Variants in BCLAF3 observed in about 807,000 individuals in gnomAD.
The protein encoded by BCLAF3 is BCLAF1 and THRAP3 family member 3.
In BCLAF3, 24 loss-of-function variants were observed where a neutral mutation model predicts 51.2. The ratio of observed to expected loss-of-function variants is 0.47; its 90% CI spans 0.34 to 0.66. The LOEUF (loss-of-function observed/expected upper bound fraction) is 0.66, where lower values mean the gene tolerates loss of function less well. Among genes scored for constraint, BCLAF3 ranks in the 30% least tolerant of loss-of-function variants. BCLAF3 has a pLI of 0.01. For synonymous variants in BCLAF3, 152 were observed against 176.6 expected, an observed-to-expected ratio of 0.86 and a Z score of 1.10; for missense variants, 465 against 525.1, an observed-to-expected ratio of 0.89 and a Z score of 1.12.
At chrX:19,972,897 T>C (rs773743401) in intron 1 of BCLAF3, among the ~76,000 whole-genome samples, 3 of 112,364 alleles carry the variant, frequency 2.7e-5, no homozygotes, top group Non-Finnish European at 5.6e-5. Context: ...CACATTTGGG[T>C]TGTTTCTACC....
chrX:19,944,707 A>AT (rs1165545370), intron 8 of BCLAF3, among the ~76,000 whole-genome samples: 5 of 82,472 alleles, frequency 6.1e-5, no homozygotes, highest in Admixed American at 3.6e-4. Flanking sequence ...TGCCCTTAAC[A>AT]TTTTTTCCTT....
At chrX:19,921,602 C>G (rs1306599892) in intron 11 of BCLAF3, among the ~76,000 whole-genome samples, 3 of 110,414 alleles carry the variant, frequency 2.7e-5, no homozygotes, top group Non-Finnish European at 3.8e-5. Context: ...ACTCGGGAGG[C>G]TGAGATAGGA....
chrX:19,925,034 T>C (rs976599232), intron 11 of BCLAF3, among the ~76,000 whole-genome samples: 3 of 111,289 alleles, frequency 2.7e-5, no homozygotes, highest in Non-Finnish European at 5.7e-5. Context: ...GGTGCCACAA[T>C]GGAATATGAC....
intron 4 of BCLAF3, among the ~76,000 whole-genome samples, chrX:19,956,044 GAATAGT>G (rs940080253): frequency 9.0e-6 from 1 of 111,673 alleles, no homozygotes; most frequent in Non-Finnish European, 1.9e-5. Flanking sequence ...AAGAAGCTTA[GAATAGT>G]ATTTTGAAAT....
chrX:19,962,169 C>A (rs191818243), intron 4 of BCLAF3, among the ~76,000 whole-genome samples: 21 of 111,683 alleles, frequency 1.9e-4, no homozygotes, highest in South Asian at 3.7e-4. Flanking sequence ...ATGGGGGTAT[C>A]ATTACTTTTA....
rs2069925595 is a variant in BCLAF3, at chrX:19,915,830, A to G, written c.*1475T>C. The G allele has an allele frequency of 8.9e-6, 1 of 112,053 alleles. No individual in the cohort carries two copies. The highest frequency in any genetic ancestry group is 1.9e-5 in the Non-Finnish European group (1 of 53,169). The allele number at this position is 112,053 out of a possible 1,213,427, so 9.2% of individuals were successfully genotyped here. A position where few individuals can be genotyped will look rare whatever the true frequency, so the allele number is the denominator to read the frequency against. Reference sequence around the variant, plus strand: ...AAGACAGATTTTATAAGTACCTAACACAATATAAAGTTGCCATACTACCTG... The same window carrying G: ...AAGACAGATTTTATAAGTACCTAACGCAATATAAAGTTGCCATACTACCTG... On this transcript the variant is annotated 3_prime_UTR_variant, in exon 12 of 12. Coordinates refer to ENST00000379682, the MANE Select transcript of BCLAF3 (RefSeq NM_001367774.2).
intron 1 of BCLAF3, among the ~76,000 whole-genome samples, chrX:19,989,085 G>T (rs1209823982): frequency 9.1e-6 from 1 of 109,720 alleles, no homozygotes; most frequent in Non-Finnish European, 1.9e-5. Flanking sequence ...TTGTTGGTAG[G>T]AGTGCAAAAC....
intron 11 of BCLAF3, among the ~76,000 whole-genome samples, chrX:19,921,238 A>G (rs1892650219): frequency 1.8e-5 from 2 of 111,851 alleles, no homozygotes; most frequent in African/African-American, 6.5e-5. Context: ...CTGTGATCAA[A>G]GAGACTAAAT....
Position 19,979,859 on chromosome X carries a change from T to C in BCLAF3, c.-34-9561A>G, listed in dbSNP as rs190076814. Among the ~76,000 whole-genome samples, 86 of 109,300 alleles carry C rather than the reference T, an allele frequency of 7.9e-4. 1 individual carries two copies. The highest frequency in any genetic ancestry group is 6.9e-3 in the Admixed American group (70 of 10,114). The allele number at this position is 109,300 out of a possible 115,157, so 94.9% of individuals were successfully genotyped here. ...TCAAATTAAAATTTAATAAGGAACA[T>C]TGAAGGCTGGCATGAAAACAACCAA... is the stretch of plus-strand genomic sequence containing the variant. On this transcript the variant is annotated intron_variant, in intron 1 of 11. Coordinates refer to ENST00000379682, the MANE Select transcript of BCLAF3 (RefSeq NM_001367774.2).
At chrX:19,920,890 G>C (rs1317992054) in intron 11 of BCLAF3, among the ~76,000 whole-genome samples, 3 of 110,683 alleles carry the variant, frequency 2.7e-5, no homozygotes, top group Admixed American at 1.9e-4. Flanking sequence ...GAAATACAAA[G>C]GCAAATGACA....
chrX:19,982,648 T>C (rs1703547677), intron 1 of BCLAF3, among the ~76,000 whole-genome samples: 1 of 109,826 alleles, frequency 9.1e-6, no homozygotes, highest in Admixed American at 9.9e-5. Flanking sequence ...TTAAAAGGTG[T>C]AAGTACAAAG....
chrX:19,945,242 A>G (rs1287516195), intron 8 of BCLAF3, among the ~76,000 whole-genome samples: 1 of 108,448 alleles, frequency 9.2e-6, no homozygotes, highest in Non-Finnish European at 1.9e-5. Context: ...GCTCAGAGTA[A>G]TTTGATCGTC....
intron 7 of BCLAF3, 109 bp from the exon 8 acceptor site, chrX:19,950,977 A>G (rs2071456036): frequency 2.2e-6 from 1 of 455,526 alleles, no homozygotes; most frequent in East Asian, 3.7e-5. Flanking sequence ...CCTTGTACTC[A>G]TCCTGCTAAT....
In BCLAF3 at chrX:19,929,762, T is replaced by A. The variant is rs754128138; in HGVS notation, c.2106+23A>T. On this transcript the variant is annotated intron_variant, in intron 11 of 11. Coordinates refer to ENST00000379682, the MANE Select transcript of BCLAF3 (RefSeq NM_001367774.2). ...GAGTTTAAAAGTCACTAAACATTTTTAAATCATTTTAATTCAACTAACCTT... is the reference window on the plus strand; with the variant it reads ...GAGTTTAAAAGTCACTAAACATTTTAAAATCATTTTAATTCAACTAACCTT... 11 of 1,166,740 alleles carry A rather than the reference T, an allele frequency of 9.4e-6. No homozygotes were observed. The African/African-American group carries it at 1.3e-4, about 13-fold the overall frequency.
intron 11 of BCLAF3, among the ~76,000 whole-genome samples, chrX:19,928,401 G>A (rs1200234110): frequency 9.2e-6 from 1 of 108,562 alleles, no homozygotes; most frequent in South Asian, 4.1e-4. Context: ...TGGCCTACAT[G>A]GACAAACCCC....
At chrX:19,925,674 C>T (rs1449017339) in intron 11 of BCLAF3, among the ~76,000 whole-genome samples, 1 of 111,506 alleles carries the variant, frequency 9.0e-6, no homozygotes, top group Non-Finnish European at 1.9e-5. Context: ...CCCAGGAACC[C>T]TACTTGAGCA....
rs1390116922 is a variant in BCLAF3, at chrX:19,990,918, AGCCCCCGCCGCCGCCGCC to A, written c.-63_-46del. On this transcript the variant is annotated 5_prime_UTR_variant, in exon 1 of 12. Transcript: ENST00000379682. ...CCCCGAGCCGCTCACCCGGCCGGGA[AGCCCCCGCCGCCGCCGCC>A]GCCGCCGCCGCCGCCGCCGCCGCCG... 2.7e-5 allele frequency among the ~76,000 whole-genome samples: 2 copies of A among 73,950 alleles called. No individual in the cohort carries two copies. Among genetic ancestry groups the A allele is most frequent in the African/African-American group, 1.0e-4 (2 of 19,933 alleles). The allele number at this position is 73,950 out of a possible 115,157, so 64.2% of individuals were successfully genotyped here. A position where few individuals can be genotyped will look rare whatever the true frequency, so the allele number is the denominator to read the frequency against.
rs1273430288 is a variant in BCLAF3 at position 19,979,197 on chromosome X, G to A, written c.-34-8899C>T. Among the ~76,000 whole-genome samples, 2 of 110,526 alleles carry A rather than the reference G, an allele frequency of 1.8e-5. 1 individual carries two copies. Among genetic ancestry groups the A allele is most frequent in the East Asian group, 5.8e-4 (2 of 3,465 alleles). On this transcript the variant is annotated intron_variant, in intron 1 of 11. Transcript: ENST00000379682. ...ATCACTTGAACCCCCAGAAGGTGGA[G>A]GTTCCAGTGAGCCACGATTGTGCCA...
At chrX:19,938,926 G>A (rs189639066) in intron 8 of BCLAF3, among the ~76,000 whole-genome samples, 254 of 112,284 alleles carry the variant, frequency 2.3e-3, no homozygotes, top group Non-Finnish European at 3.1e-3. Flanking sequence ...CTATCATTCC[G>A]TATTTGTAAC....
Sources: gnomAD v4.1 joint callset for allele counts (sites outside exome capture counted in the v4.1 genomes callset) on GRCh38, gnomAD v4.1.1 for gene constraint, MANE v1.5 for transcripts, NCBI Gene and HGNC (gene_info 2026-07-23, HGNC 2026-07-21) for gene names.